Variants in SIPA1L1 observed in about 807,000 individuals in gnomAD.
The protein encoded by SIPA1L1 is signal induced proliferation associated 1 like 1.
SIPA1L1 carries 26 observed loss-of-function variants against 162.7 expected under a neutral mutation model. The observed-to-expected ratio is 0.16, with a 90% CI of 0.12 to 0.22. The LOEUF is 0.22. Ranked by LOEUF, SIPA1L1 falls within the 10% of genes least tolerant of loss-of-function variation. SIPA1L1 has a pLI of 1.00. For missense variants in SIPA1L1, 1,874 were observed against 2,241.0 expected (o/e 0.84, Z 3.31); for synonymous variants, 829 against 837.4 (o/e 0.99, Z 0.17).
Position 71,658,319 on chromosome 14 carries a change from T to C in SIPA1L1, c.1994-14T>C. The C allele has an allele frequency of 7.4e-7, 1 of 1,343,988 alleles. No homozygotes were observed. The highest frequency in any genetic ancestry group is 1.1e-6 in the Non-Finnish European group (1 of 936,566). 83.3% of individuals were successfully genotyped at this position (1,343,988 alleles called of 1,614,324 possible). A position where few individuals can be genotyped will look rare whatever the true frequency, so the allele number is the denominator to read the frequency against. On this transcript the variant is annotated splice_polypyrimidine_tract_variant and intron_variant, in intron 8 of 23. Coordinates refer to ENST00000381232, the MANE Select transcript of SIPA1L1 (RefSeq NM_001386936.1). Reference sequence around the variant, plus strand: ...GTTATAGTCATCTCATCATTATATTTTTTTTAACTGTAGCTGACTCCACTG... The same window carrying C: ...GTTATAGTCATCTCATCATTATATTCTTTTTAACTGTAGCTGACTCCACTG...
At chr14:71,528,032 C>T (rs941654200) in intron 3 of SIPA1L1, among the ~76,000 whole-genome samples, 10 of 152,096 alleles carry the variant, frequency 6.6e-5, no homozygotes, top group South Asian at 2.1e-4. Context: ...GGATTACAGG[C>T]GTGAGCCATT....
chr14:71,737,341 C>T (rs1476345913), intron 22 of SIPA1L1, among the ~76,000 whole-genome samples: 1 of 152,090 alleles, frequency 6.6e-6, no homozygotes, highest in Non-Finnish European at 1.5e-5. Context: ...TTCCCATTGG[C>T]GCTGGGAAGA....
chr14:71,368,189 T>C (rs1451415182), intron 2 of SIPA1L1, among the ~76,000 whole-genome samples: 1 of 146,276 alleles, frequency 6.8e-6, no homozygotes, highest in Non-Finnish European at 1.5e-5. Flanking sequence ...CTTTAAGTTT[T>C]AGGGTACATG....
chr14:71,358,473 A>G (rs2037488242), intron 2 of SIPA1L1, among the ~76,000 whole-genome samples: 1 of 152,212 alleles, frequency 6.6e-6, no homozygotes, highest in South Asian at 2.1e-4. Flanking sequence ...AGGAAACTTC[A>G]GTCTGGCTCA....
At chr14:71,440,767 G>C (rs570052304) in intron 2 of SIPA1L1, among the ~76,000 whole-genome samples, 130 of 151,948 alleles carry the variant, frequency 8.6e-4, no homozygotes, top group Non-Finnish European at 1.6e-3. Flanking sequence ...ATGGGGAGTG[G>C]TGTACAGAGA....
At chr14:71,667,275 C>T (rs372355087) in intron 10 of SIPA1L1, among the ~76,000 whole-genome samples, 3 of 152,062 alleles carry the variant, frequency 2.0e-5, no homozygotes, top group East Asian at 3.9e-4. Context: ...TGATGAATTC[C>T]TGCTTTTCTT....
chr14:71,711,900 C>T (rs2082900587), intron 17 of SIPA1L1, among the ~76,000 whole-genome samples: 1 of 152,164 alleles, frequency 6.6e-6, no homozygotes. Context: ...CTCACCCACT[C>T]ATTTGAGTCA....
rs560816715 is a variant in SIPA1L1 at position 71,424,461 on chromosome 14, G to A, written c.-464-88282G>A. Among the ~76,000 whole-genome samples the A allele has an allele frequency of 2.0e-5, 3 of 152,116 alleles. No individual in the cohort carries two copies. The South Asian group carries it at 6.2e-4, about 32-fold the overall frequency. The stretch of plus-strand genomic sequence containing the variant: ...TTGAGGTAGTTTCTTTCTATTCCTA[G>A]TTTATTGAATGTTTTTATCATGAAA... On this transcript the variant is annotated intron_variant, in intron 2 of 23. Transcript: ENST00000381232.
In SIPA1L1 at chr14:71,341,596, G is replaced by A. The variant is rs192551885; in HGVS notation, c.-465+20415G>A. Among the ~76,000 whole-genome samples the A allele has an allele frequency of 5.6e-4, 85 of 152,144 alleles. 1 individual carries two copies. The highest frequency in any genetic ancestry group is 1.9e-3 in the African/African-American group (79 of 41,496). On this transcript the variant is annotated intron_variant, in intron 2 of 23. Coordinates refer to ENST00000381232, the MANE Select transcript of SIPA1L1 (RefSeq NM_001386936.1). ...TGAGGTTTGGGCTTCTAATAATCTC[G>A]TTATGCAGGTACTGAGCATCGTACC...
intron 2 of SIPA1L1, among the ~76,000 whole-genome samples, chr14:71,338,716 GATTTTTATTTATTTT>G (rs959128699): frequency 6.6e-6 from 1 of 151,914 alleles, no homozygotes; most frequent in Non-Finnish European, 1.5e-5. Flanking sequence ...TTGGTTACTA[GATTTTTATTTATTTT>G]ATTTTTATTT....
At chr14:71,576,319 A>T (rs1246115442) in intron 4 of SIPA1L1, among the ~76,000 whole-genome samples, 4 of 152,226 alleles carry the variant, frequency 2.6e-5, no homozygotes, top group Non-Finnish European at 4.4e-5. Context: ...TCATGTACAA[A>T]CTGCAGTAGA....
intron 5 of SIPA1L1, among the ~76,000 whole-genome samples, chr14:71,607,748 C>A (rs1157529690): frequency 1.3e-5 from 2 of 152,064 alleles, no homozygotes; most frequent in Non-Finnish European, 2.9e-5. Flanking sequence ...TAAAAAGTGC[C>A]CAGCATGCAA....
At chr14:71,666,731 A>T (rs1038211332) in intron 10 of SIPA1L1, among the ~76,000 whole-genome samples, 3 of 152,142 alleles carry the variant, frequency 2.0e-5, no homozygotes, top group Non-Finnish European at 2.9e-5. Context: ...TTGGAATTAG[A>T]CCAAATTGTT....
At chr14:71,370,866 A>G (rs1031807814) in intron 2 of SIPA1L1, among the ~76,000 whole-genome samples, 1 of 152,142 alleles carries the variant, frequency 6.6e-6, no homozygotes, top group South Asian at 2.1e-4. Context: ...TTATATTTGT[A>G]TATCTTGTTT....
rs1326218356 is a variant in SIPA1L1 at position 71,671,336 on chromosome 14, C to T, written c.2473C>T (p.Pro825Ser). Residue 825 changes from proline (P) to serine (S), a missense_variant, in exon 11 of 24, where the codon CCT (proline) becomes TCT (serine). Coordinates refer to ENST00000381232, the MANE Select transcript of SIPA1L1 (RefSeq NM_001386936.1). ...GGCAGAAAAGAATGTCACCAACACC[C>T]CTATCGACCCTTCTGGCAAGTTTCC... ...DLAEKNVTNT[P>S]IDPSGKFPFI... is the part of the protein sequence containing the mutation. 4.3e-6 allele frequency: 7 copies of T among 1,614,078 alleles called. No homozygotes were observed. Among genetic ancestry groups the T allele is most frequent in the East Asian group, 2.2e-5 (1 of 44,894 alleles).
chr14:71,520,449 C>T (rs558220759), intron 3 of SIPA1L1, among the ~76,000 whole-genome samples: 2 of 152,190 alleles, frequency 1.3e-5, no homozygotes, highest in South Asian at 2.1e-4. Context: ...GAGCACAGAT[C>T]ATAAGTGGAT....
chr14:71,468,521 C>T (rs192726533), intron 2 of SIPA1L1, among the ~76,000 whole-genome samples: 20 of 152,192 alleles, frequency 1.3e-4, no homozygotes, highest in Middle Eastern at 3.4e-3. Context: ...GGGAAAAAAA[C>T]AGATGAGAGC....
chr14:71,554,211 G>A (rs1041497659), intron 4 of SIPA1L1, among the ~76,000 whole-genome samples: 1 of 151,644 alleles, frequency 6.6e-6, no homozygotes, highest in Non-Finnish European at 1.5e-5. Context: ...TCTTGATATT[G>A]AACCTTGGTT....
intron 2 of SIPA1L1, among the ~76,000 whole-genome samples, chr14:71,420,574 A>G (rs1358267996): frequency 6.6e-6 from 1 of 152,242 alleles, no homozygotes; most frequent in East Asian, 1.9e-4. Flanking sequence ...TCCAGAAGTA[A>G]CTATCTCTGC....
Sources: gnomAD v4.1 joint callset for allele counts (sites outside exome capture counted in the v4.1 genomes callset) on GRCh38, gnomAD v4.1.1 for gene constraint, MANE v1.5 for transcripts, NCBI Gene and HGNC (gene_info 2026-07-23, HGNC 2026-07-21) for gene names.